The following DNAH10 variants were observed in gnomAD, a reference collection of about 807,000 sequenced individuals.
DNAH10 encodes the protein axonemal beta dynein heavy chain 10.
Under a neutral mutation model 506.6 loss-of-function variants are expected in DNAH10, and 348 were observed. The observed-to-expected ratio is 0.69, with a 90% CI of 0.63 to 0.75. The LOEUF is 0.75. Among genes scored for constraint, DNAH10 ranks in the 30% least tolerant of loss-of-function variants. DNAH10 has a pLI of 0.00. For synonymous variants in DNAH10, 2,059 were observed against 2,198.6 expected (o/e 0.94, Z 1.78); for missense variants, 5,179 against 5,787.1 (o/e 0.89, Z 3.41).
In DNAH10 at chr12:123,848,898, C is replaced by T; in HGVS notation, c.6102+16C>T. ...CACGTTCCAGGTGAGACACATGAAG[C>T]CCCCGGGACCATGTCCCTAGGATGG... On this transcript the variant is annotated intron_variant, in intron 34 of 78. Coordinates refer to ENST00000673944, the MANE Select transcript of DNAH10 (RefSeq NM_001372106.1). The T allele has an allele frequency of 6.2e-7, 1 of 1,612,022 alleles. No individual in the cohort carries two copies. Among genetic ancestry groups the T allele is most frequent in the Non-Finnish European group, 8.5e-7 (1 of 1,179,022 alleles).
intron 12 of DNAH10, among the ~76,000 whole-genome samples, chr12:123,794,467 G>A (rs1402961602): frequency 1.3e-5 from 2 of 152,160 alleles, no homozygotes; most frequent in Non-Finnish European, 2.9e-5. Context: ...CAAGTATGGT[G>A]TTAGGCACAG....
In DNAH10 at chr12:123,933,981, TC is replaced by T. The variant is rs1372209839; in HGVS notation, c.13477+474del. ...CAAATGAGAGCTGGAAACTGCTGTT[TC>T]CCCGGGTCCATGTTGTCTTAGAGTT... On this transcript the variant is annotated intron_variant, in intron 77 of 78. Coordinates refer to ENST00000673944, the MANE Select transcript of DNAH10 (RefSeq NM_001372106.1). The T allele has an allele frequency of 6.3e-5, 30 of 478,020 alleles. No homozygotes were observed. In the Admixed American group the frequency reaches 1.1e-3, roughly 17 times the overall value. 29.6% of individuals were successfully genotyped at this position (478,020 alleles called of 1,614,324 possible).
At chr12:123,806,068 G>T (rs1036626038) in intron 18 of DNAH10, among the ~76,000 whole-genome samples, 4 of 152,076 alleles carry the variant, frequency 2.6e-5, no homozygotes, top group African/African-American at 9.7e-5. Flanking sequence ...GAGCCACTGC[G>T]CCCGGCCACC....
intron 18 of DNAH10, 73 bp downstream of exon 18, chr12:123,805,113 AG>A: frequency 6.8e-7 from 1 of 1,473,554 alleles, no homozygotes; most frequent in East Asian, 2.4e-5. Flanking sequence ...GGACAGTTAG[AG>A]GGGGTGGCAA....
At chr12:123,871,336 G>A (rs1566023343) in intron 44 of DNAH10, 121 bp from the exon 45 acceptor site, 2 of 1,159,506 alleles carry the variant, frequency 1.7e-6, no homozygotes, top group Non-Finnish European at 1.2e-6. Flanking sequence ...CTGAGGTCAT[G>A]TCTTGGCCTT....
intron 45 of DNAH10, among the ~76,000 whole-genome samples, chr12:123,873,005 C>T (rs1476191167): frequency 1.3e-5 from 2 of 152,234 alleles, no homozygotes; most frequent in East Asian, 3.8e-4. Context: ...GCATGAGCAT[C>T]CAGGGGGCTT....
rs148360276 is a variant in DNAH10 at position 123,893,805 on chromosome 12, A to G, written c.9199+369A>G. Reference sequence around the variant, plus strand: ...GGTTGTGTTCTAGGGGACTCTTGGCAATGCCTGGAGACATTTTTGGTCATC... The same window carrying G: ...GGTTGTGTTCTAGGGGACTCTTGGCGATGCCTGGAGACATTTTTGGTCATC... On this transcript the variant is annotated intron_variant, in intron 53 of 78. Coordinates refer to ENST00000673944, the MANE Select transcript of DNAH10 (RefSeq NM_001372106.1). Among the ~76,000 whole-genome samples, 179 of 152,276 alleles carry G rather than the reference A, an allele frequency of 1.2e-3. 2 individuals carry two copies. The highest frequency in any genetic ancestry group is 3.9e-3 in the African/African-American group (162 of 41,544).
chr12:123,799,614 C>T (rs757350533), intron 14 of DNAH10, among the ~76,000 whole-genome samples: 1 of 152,142 alleles, frequency 6.6e-6, no homozygotes, highest in African/African-American at 2.4e-5. Context: ...ACCAAGCCTC[C>T]GTTTCCCCAT....
intron 48 of DNAH10, 147 bp downstream of exon 48, chr12:123,878,055 C>A: frequency 3.5e-6 from 4 of 1,138,162 alleles, no homozygotes; most frequent in Non-Finnish European, 4.9e-6. Context: ...GAAGAGAGAC[C>A]AACACTTGGC....
chr12:123,773,158 G>A (rs1242933123), intron 4 of DNAH10, among the ~76,000 whole-genome samples: 1 of 152,232 alleles, frequency 6.6e-6, no homozygotes, highest in Non-Finnish European at 1.5e-5. Flanking sequence ...GCCAGTGATA[G>A]TGCATGTCTG....
chr12:123,766,057 T>C (rs1338820543), intron 1 of DNAH10, among the ~76,000 whole-genome samples: 1 of 151,794 alleles, frequency 6.6e-6, no homozygotes, highest in East Asian at 1.9e-4. Context: ...TATCTACACA[T>C]CTGTTTATCT....
intron 15 of DNAH10, 29 bp downstream of exon 15, chr12:123,800,417 G>A: frequency 1.2e-6 from 2 of 1,603,816 alleles, no homozygotes; most frequent in Non-Finnish European, 1.7e-6. Context: ...TAAATTAGCA[G>A]TAAGCTTTTT....
intron 52 of DNAH10, among the ~76,000 whole-genome samples, chr12:123,889,745 A>G (rs1952894043): frequency 1.3e-5 from 2 of 152,192 alleles, no homozygotes; most frequent in Admixed American, 6.5e-5. Flanking sequence ...GCACGGATTT[A>G]TTCCCCTATG....
chr12:123,873,522 A>G (rs1323071484), intron 45 of DNAH10, 36 bp from the exon 46 acceptor site: 2 of 1,572,368 alleles, frequency 1.3e-6, no homozygotes, highest in African/African-American at 2.7e-5. Flanking sequence ...CCCTGGGGAA[A>G]AAGCTGGCTT....
In DNAH10 at chr12:123,930,525, G is replaced by A; in HGVS notation, c.12736G>A (p.Glu4246Lys). Residue 4246 changes from glutamate (E) to lysine (K), a missense_variant, in exon 73 of 79, where the codon GAA becomes AAA. Glu to Lys is a moderately conservative substitution (Grantham distance 56). Transcript: ENST00000673944. The part of the protein sequence containing the change: ...FQPFHFFRNK[E>K]VDYKIPVGDE... ...GCCATTCCACTTCTTCCGGAACAAG[G>A]AAGTGGACTACAAAATCCCTGTTGG... 2.5e-6 allele frequency: 4 copies of A among 1,609,926 alleles called. No homozygotes were observed. Among genetic ancestry groups the A allele is most frequent in the Non-Finnish European group, 3.4e-6 (4 of 1,178,728 alleles).
At position 123,903,025 on chromosome 12, in the gene DNAH10, G is replaced by A. The variant is rs757406131; in HGVS notation, c.9727G>A (p.Glu3243Lys). The change falls in exon 57 of 79, where the codon GAG becomes AAG. Residue 3243 changes from glutamate (E) to lysine (K), a missense_variant. This residue lies in a region of DNAH10 where 4,844 missense variants were observed against 5,430.5 expected (regional missense o/e 0.89). Coordinates refer to ENST00000673944, the MANE Select transcript of DNAH10 (RefSeq NM_001372106.1). The surrounding 1 kb of genome is among the most constrained non-coding windows in gnomAD (Gnocchi z 4.6). ...CATTGCCATGGAGAAGGCCGAGGCC[G>A]AGACGACCCTGGCAGAGGTCATGCC... The part of the protein sequence containing the change: ...KVIAMEKAEA[E>K]TTLAEVMPIL... 1.3e-5 allele frequency: 21 copies of A among 1,606,360 alleles called. No individual in the cohort carries two copies. Among genetic ancestry groups the A allele is most frequent in the Non-Finnish European group, 1.7e-5 (20 of 1,176,636 alleles).
chr12:123,771,708 G>T lies in DNAH10; in HGVS notation c.396+10G>T, dbSNP rs1211550273. ...AAAACTCCCTTCCAAAGTAAGCATG[G>T]CTCTTTGTCCTTGTTGGTGGGGTAA... On this transcript the variant is annotated intron_variant, in intron 3 of 78. Transcript: ENST00000673944. 1 of 1,601,622 alleles carries T rather than the reference G, an allele frequency of 6.2e-7. No homozygotes were observed.
At chr12:123,792,320 C>G (rs1001294636) in intron 11 of DNAH10, among the ~76,000 whole-genome samples, 3 of 152,170 alleles carry the variant, frequency 2.0e-5, no homozygotes, top group African/African-American at 7.2e-5. Context: ...TCTCTAATAT[C>G]TCTGCCACAT....
At chr12:123,805,573 A>G (rs1301570145) in intron 18 of DNAH10, among the ~76,000 whole-genome samples, 1 of 152,046 alleles carries the variant, frequency 6.6e-6, no homozygotes, top group Non-Finnish European at 1.5e-5. Flanking sequence ...TGGCCCACAG[A>G]CTGTTCTGGG....
Sources: allele counts gnomAD v4.1 joint callset (sites outside exome capture counted in the v4.1 genomes callset), GRCh38; gene constraint gnomAD v4.1.1; regional missense constraint gnomAD v4.1.1; non-coding constraint Gnocchi (gnomAD v3.1); transcripts MANE v1.5; gene names NCBI Gene and HGNC (gene_info 2026-07-23, HGNC 2026-07-21).